Variants in KIRREL3 observed in about 807,000 individuals in gnomAD.
KIRREL3 encodes kirre like nephrin family adhesion molecule 3.
Under a neutral mutation model 89.7 loss-of-function variants are expected in KIRREL3, and 36 were observed. That is an observed-to-expected ratio of 0.40 (90% confidence interval 0.31 to 0.53). KIRREL3 has a LOEUF of 0.53. Ranked by LOEUF, KIRREL3 falls within the 20% of genes least tolerant of loss-of-function variation. The pLI is 0.49. For missense variants in KIRREL3, 864 were observed against 1,056.6 expected, an observed-to-expected ratio of 0.82 and a Z score of 2.53; for synonymous variants, 445 against 441.4, an observed-to-expected ratio of 1.01 and a Z score of -0.10.
chr11:126,552,664 G>A (rs1406821839), intron 2 of KIRREL3, among the ~76,000 whole-genome samples: 5 of 139,144 alleles, frequency 3.6e-5, no homozygotes, highest in Non-Finnish European at 7.6e-5. Context: ...GGGTTCAAGT[G>A]ATTCTCCTGC....
chr11:126,698,520 G>A (rs554647420), intron 1 of KIRREL3, among the ~76,000 whole-genome samples: 2 of 152,346 alleles, frequency 1.3e-5, no homozygotes, highest in South Asian at 2.1e-4. Flanking sequence ...GGGAGAAAGG[G>A]GCTGGCAGAG....
Position 126,570,506 on chromosome 11 carries a change from G to A in KIRREL3, c.56-7594C>T, listed in dbSNP as rs1481153285. Among the ~76,000 whole-genome samples, 1 of 152,164 alleles carries A rather than the reference G, an allele frequency of 6.6e-6. No homozygotes were observed. Among genetic ancestry groups the A allele is most frequent in the Admixed American group, 6.6e-5 (1 of 15,262 alleles). ...TTTGTGATAATTCCAAAAACTTGTT[G>A]TGACCCGCCAGCCCATCTCACCAGC... On this transcript the variant is annotated intron_variant, in intron 1 of 16. Coordinates refer to ENST00000525144, the MANE Select transcript of KIRREL3 (RefSeq NM_032531.4). This position sits in a 1 kb window ranked among gnomAD's most constrained non-coding sequence, Gnocchi z 6.1.
intron 4 of KIRREL3, among the ~76,000 whole-genome samples, chr11:126,494,277 C>G (rs1378828527): frequency 6.6e-6 from 1 of 152,176 alleles, no homozygotes; most frequent in African/African-American, 2.4e-5. Flanking sequence ...GAAATACATT[C>G]TGTTTTTGCT....
chr11:126,757,474 G>A (rs1342472008), intron 1 of KIRREL3, among the ~76,000 whole-genome samples: 1 of 152,146 alleles, frequency 6.6e-6, no homozygotes, highest in Non-Finnish European at 1.5e-5. Flanking sequence ...GGTATTTCAA[G>A]GGCCCAGGAA....
chr11:126,750,857 T>C lies in KIRREL3; in HGVS notation c.56-187945A>G, dbSNP rs1317388851. Among the ~76,000 whole-genome samples the C allele has an allele frequency of 6.6e-6, 1 of 152,230 alleles. No homozygotes were observed. The highest frequency in any genetic ancestry group is 1.5e-5 in the Non-Finnish European group (1 of 68,032). ...ATATTCTTTCCATTTTCATGAGTAC[T>C]AATAAAACACATGATAGTTATCACT... On this transcript the variant is annotated intron_variant, in intron 1 of 16. Coordinates refer to ENST00000525144, the MANE Select transcript of KIRREL3 (RefSeq NM_032531.4). The surrounding 1 kb of genome is among the most constrained non-coding windows in gnomAD (Gnocchi z 4.2).
At chr11:126,731,820 G>A (rs897110602) in intron 1 of KIRREL3, among the ~76,000 whole-genome samples, 2 of 152,242 alleles carry the variant, frequency 1.3e-5, no homozygotes, top group African/African-American at 2.4e-5. Flanking sequence ...TTATTCACAA[G>A]CTGAAAGACA....
chr11:126,526,400 T>A lies in KIRREL3; in HGVS notation c.283+138A>T. On this transcript the variant is annotated intron_variant, in intron 3 of 16. Transcript: ENST00000525144. This position sits in a 1 kb window ranked among gnomAD's most constrained non-coding sequence, Gnocchi z 5.7. ...GGGTGCAGTGCTTGCCTAGCCTGAC[T>A]CTGCCTGAGGAGTTGCAGTGAAAGC... 1 of 842,432 alleles carries A rather than the reference T, an allele frequency of 1.2e-6. No individual in the cohort carries two copies. Among genetic ancestry groups the A allele is most frequent in the Admixed American group, 2.5e-5 (1 of 39,436 alleles). The allele number at this position is 842,432 out of a possible 1,614,324, so 52.2% of individuals were successfully genotyped here.
At position 126,566,661 on chromosome 11, in the gene KIRREL3, A is replaced by G. The variant is rs1454682680; in HGVS notation, c.56-3749T>C. Among the ~76,000 whole-genome samples, 1 of 152,122 alleles carries G rather than the reference A, an allele frequency of 6.6e-6. No individual in the cohort carries two copies. ...TTCCTCCTGGGAGAAATAAAAGGGG[A>G]TGGCTTTTTAAATGGGATGGGTTTT... On this transcript the variant is annotated intron_variant, in intron 1 of 16. Transcript: ENST00000525144. The surrounding 1 kb of genome is among the most constrained non-coding windows in gnomAD (Gnocchi z 4.9).
rs1037076514 is a variant in KIRREL3 at position 126,896,989 on chromosome 11, G to A, written c.55+103466C>T. ...CAGAATCAAAAGATTCTAAGAAGAGGCCAGGGAAAGAGCAGACCATCCAAG... is the reference window on the plus strand; with the variant it reads ...CAGAATCAAAAGATTCTAAGAAGAGACCAGGGAAAGAGCAGACCATCCAAG... On this transcript the variant is annotated intron_variant, in intron 1 of 16. Coordinates refer to ENST00000525144, the MANE Select transcript of KIRREL3 (RefSeq NM_032531.4). The surrounding 1 kb of genome is among the most constrained non-coding windows in gnomAD (Gnocchi z 4.1). Among the ~76,000 whole-genome samples, 15 of 152,120 alleles carry A rather than the reference G, an allele frequency of 9.9e-5. No homozygotes were observed. Among genetic ancestry groups the A allele is most frequent in the Non-Finnish European group, 1.6e-4 (11 of 68,016 alleles).
At chr11:126,925,108 G>T (rs1309952690) in intron 1 of KIRREL3, among the ~76,000 whole-genome samples, 1 of 147,408 alleles carries the variant, frequency 6.8e-6, no homozygotes, top group Non-Finnish European at 1.5e-5. Context: ...GGGGGGGGGG[G>T]GGGGCTGTTG....
In KIRREL3 at chr11:126,898,139, T is replaced by C. The variant is rs1404272373; in HGVS notation, c.55+102316A>G. ...TGTTTGCCCTGGTTCCAGTCTCTGA[T>C]GCCACAGTCGCCTATCTCGTGGACA... On this transcript the variant is annotated intron_variant, in intron 1 of 16. Coordinates refer to ENST00000525144, the MANE Select transcript of KIRREL3 (RefSeq NM_032531.4). The surrounding 1 kb of genome is among the most constrained non-coding windows in gnomAD (Gnocchi z 4.9). Among the ~76,000 whole-genome samples the C allele has an allele frequency of 6.6e-6, 1 of 152,170 alleles. No homozygotes were observed. Among genetic ancestry groups the C allele is most frequent in the Admixed American group, 6.5e-5 (1 of 15,278 alleles).
chr11:126,657,248 T>TAAA (rs1565625560), intron 1 of KIRREL3, among the ~76,000 whole-genome samples: 311 of 30,372 alleles, frequency 0.01, 1 homozygote, highest in South Asian at 0.026. Flanking sequence ...AAATAAATAA[T>TAAA]TAAATAAATA....
intron 1 of KIRREL3, among the ~76,000 whole-genome samples, chr11:126,663,182 CTTTTTTTT>C (rs61217908): frequency 1.1e-5 from 1 of 90,800 alleles, no homozygotes; most frequent in East Asian, 3.7e-4. Flanking sequence ...TCATGTCTGG[CTTTTTTTT>C]TTTTTTTTTT....
At position 126,652,429 on chromosome 11, in the gene KIRREL3, A is replaced by T. The variant is rs867811602; in HGVS notation, c.56-89517T>A. Among the ~76,000 whole-genome samples, 4 of 152,188 alleles carry T rather than the reference A, an allele frequency of 2.6e-5. No individual in the cohort carries two copies. Among genetic ancestry groups the T allele is most frequent in the Non-Finnish European group, 5.9e-5 (4 of 68,030 alleles). ...ACAAGAGCTACCATGCCTTGAGCCC[A>T]TTCTAAATGGTAGGCAAGTGCTAGA... On this transcript the variant is annotated intron_variant, in intron 1 of 16. Transcript: ENST00000525144. This position sits in a 1 kb window ranked among gnomAD's most constrained non-coding sequence, Gnocchi z 4.9.
At chr11:126,945,055 C>T (rs1307176145) in intron 1 of KIRREL3, 1 of 152,262 alleles carries the variant, frequency 6.6e-6, no homozygotes, top group Non-Finnish European at 1.5e-5. Context: ...GCAACTCTCT[C>T]AGTTCTGAAA....
At chr11:126,457,376 T>TGC (rs1956401218) in intron 6 of KIRREL3, among the ~76,000 whole-genome samples, 2 of 151,658 alleles carry the variant, frequency 1.3e-5, no homozygotes, top group Non-Finnish European at 2.9e-5. Context: ...TATGCGTGTA[T>TGC]GTGTGTATGC....
intron 1 of KIRREL3, among the ~76,000 whole-genome samples, chr11:126,930,161 A>G (rs1304519930): frequency 1.3e-5 from 2 of 151,474 alleles, no homozygotes; most frequent in South Asian, 2.1e-4. Flanking sequence ...ATTAAAATTA[A>G]TAACTCGTAA....
rs917849851 is a variant in KIRREL3, at chr11:126,628,756, T to C, written c.56-65844A>G. Reference sequence around the variant, plus strand: ...TCCCATCTTTCCTATTCATCAGATTTCCTGGAGCCCAGCCTGCTACCTGGA... The same window carrying C: ...TCCCATCTTTCCTATTCATCAGATTCCCTGGAGCCCAGCCTGCTACCTGGA... On this transcript the variant is annotated intron_variant, in intron 1 of 16. Coordinates refer to ENST00000525144, the MANE Select transcript of KIRREL3 (RefSeq NM_032531.4). The surrounding 1 kb of genome is among the most constrained non-coding windows in gnomAD (Gnocchi z 5.2). Among the ~76,000 whole-genome samples the C allele has an allele frequency of 2.0e-5, 3 of 152,168 alleles. No homozygotes were observed. Among genetic ancestry groups the C allele is most frequent in the African/African-American group, 7.2e-5 (3 of 41,436 alleles).
chr11:126,473,065 C>CCTG (rs1274745384), intron 5 of KIRREL3, among the ~76,000 whole-genome samples: 3 of 97,006 alleles, frequency 3.1e-5, no homozygotes, highest in Non-Finnish European at 6.6e-5. Context: ...CTCCCCAGCC[C>CCTG]CCACCATCCT....
Sources: allele counts gnomAD v4.1 joint callset (sites outside exome capture counted in the v4.1 genomes callset), GRCh38; gene constraint gnomAD v4.1.1; non-coding constraint Gnocchi (gnomAD v3.1); transcripts MANE v1.5; gene names NCBI Gene and HGNC (gene_info 2026-07-23, HGNC 2026-07-21).